Variants in DAAM2 observed in about 807,000 individuals in gnomAD.
DAAM2 encodes disheveled-associated activator of morphogenesis 2.
DAAM2 carries 39 observed loss-of-function variants against 120.7 expected under a neutral mutation model. The observed-to-expected ratio is 0.32, with a 90% CI of 0.25 to 0.42. DAAM2 has a LOEUF of 0.42. Among genes scored for constraint, DAAM2 ranks in the 10% least tolerant of loss-of-function variants. DAAM2 has a pLI of 1.00. For missense variants in DAAM2, 1,283 were observed against 1,401.7 expected, an observed-to-expected ratio of 0.92 and a Z score of 1.35; for synonymous variants, 488 against 524.9, an observed-to-expected ratio of 0.93 and a Z score of 0.96.
intron 14 of DAAM2, among the ~76,000 whole-genome samples, chr6:39,880,756 C>T (rs968629051): frequency 3.9e-5 from 6 of 152,196 alleles, no homozygotes; most frequent in Non-Finnish European, 7.3e-5. Context: ...TTTGTAGTTT[C>T]CCGGGCCTCT....
chr6:39,845,078 C>A (rs913118472), intron 1 of DAAM2, among the ~76,000 whole-genome samples: 1 of 136,614 alleles, frequency 7.3e-6, no homozygotes, highest in African/African-American at 2.7e-5. Flanking sequence ...ACCACACATA[C>A]ATATACAACA....
chr6:39,880,737 C>T (rs1007825382), intron 14 of DAAM2, among the ~76,000 whole-genome samples: 1 of 152,190 alleles, frequency 6.6e-6, no homozygotes, highest in Non-Finnish European at 1.5e-5. Flanking sequence ...GAAGCATAAA[C>T]ACAGTCCATT....
chr6:39,879,594 G>T, intron 14 of DAAM2, 117 bp downstream of exon 14: 3 of 1,365,194 alleles, frequency 2.2e-6, no homozygotes, highest in Non-Finnish European at 3.1e-6. Flanking sequence ...TTGGTGGGGG[G>T]TAAGGGCAGT....
intron 1 of DAAM2, 160 bp from the exon 2 acceptor site, chr6:39,856,087 T>C: frequency 1.2e-6 from 1 of 841,074 alleles, no homozygotes. Context: ...AACAGAGGGA[T>C]GCTGTGGGAG....
chr6:39,852,060 C>A (rs1281346597), intron 1 of DAAM2, among the ~76,000 whole-genome samples: 3 of 152,138 alleles, frequency 2.0e-5, no homozygotes, highest in Admixed American at 6.5e-5. Context: ...CTTGAGGAGA[C>A]CTTGTCCCCA....
At chr6:39,836,612 T>G (rs1763111040) in intron 1 of DAAM2, among the ~76,000 whole-genome samples, 1 of 152,200 alleles carries the variant, frequency 6.6e-6, no homozygotes, top group Non-Finnish European at 1.5e-5. Flanking sequence ...CTACAGAGCC[T>G]TCTCTCTAAA....
chr6:39,844,569 G>A (rs1393353204), intron 1 of DAAM2, among the ~76,000 whole-genome samples: 3 of 152,118 alleles, frequency 2.0e-5, no homozygotes, highest in Admixed American at 6.5e-5. Context: ...CTCAGTCTCC[G>A]GTCTATGGCG....
At position 39,904,549 on chromosome 6, in the gene DAAM2, C is replaced by T. The variant is rs752267060; in HGVS notation, c.*2512C>T. 151 of 453,876 alleles carry T rather than the reference C, an allele frequency of 3.3e-4. No individual in the cohort carries two copies. In the Middle Eastern group the frequency reaches 3.4e-3, roughly 10 times the overall value. The allele number at this position is 453,876 out of a possible 1,614,324, so 28.1% of individuals were successfully genotyped here. ...TCGTCATCAACCTAACAAACACAACCTTCTCAGCAGCATTTCTCCCCTGTG... is the reference window on the plus strand; with the variant it reads ...TCGTCATCAACCTAACAAACACAACTTTCTCAGCAGCATTTCTCCCCTGTG... On this transcript the variant is annotated 3_prime_UTR_variant, in exon 25 of 25. Transcript: ENST00000274867.
chr6:39,896,805 C>G lies in DAAM2; in HGVS notation c.2342-7C>G. The G allele has an allele frequency of 1.3e-6, 2 of 1,584,700 alleles. No individual in the cohort carries two copies. The highest frequency in any genetic ancestry group is 1.7e-6 in the Non-Finnish European group (2 of 1,164,390). On this transcript the variant is annotated splice_polypyrimidine_tract_variant and splice_region_variant and intron_variant, in intron 19 of 24. Coordinates refer to ENST00000274867, the MANE Select transcript of DAAM2 (RefSeq NM_001201427.2). ...TGCAGGCCTCTGACCTGTGCCTCCTCTCCCAGCCATCCTGTTGGCCTCCCG... is the reference window on the plus strand; with the variant it reads ...TGCAGGCCTCTGACCTGTGCCTCCTGTCCCAGCCATCCTGTTGGCCTCCCG...
At chr6:39,865,893 A>AT (rs1371878529) in intron 5 of DAAM2, among the ~76,000 whole-genome samples, 3 of 152,248 alleles carry the variant, frequency 2.0e-5, no homozygotes, top group African/African-American at 7.2e-5. Flanking sequence ...CATGCATTGT[A>AT]TGTGCATGGA....
intron 1 of DAAM2, chr6:39,819,087 C>G (rs891604138): frequency 6.6e-6 from 1 of 152,150 alleles, no homozygotes; most frequent in Admixed American, 6.6e-5. Context: ...GGCATGTGGC[C>G]TCTCATCAGT....
rs1177835604 is a variant in DAAM2 at position 39,879,231 on chromosome 6, C to T, written c.1599C>T (p.Ser533=). 6.5e-7 allele frequency: 1 copy of T among 1,550,186 alleles called. No individual in the cohort carries two copies. The highest frequency in any genetic ancestry group is 1.2e-5 in the South Asian group (1 of 83,748). ...PPPGGPLTLS[S]SMTTNDLPPP... is the part of the protein sequence containing the mutation. ...CTGGGGGCCCACTCACCTTGTCTTC[C>T]TCAATGACAACCAATGACCTGCCTC... Residue 533 remains serine, a synonymous_variant, in exon 14 of 25, where the codon TCC becomes TCT. Coordinates refer to ENST00000274867, the MANE Select transcript of DAAM2 (RefSeq NM_001201427.2).
chr6:39,796,233 G>A (rs1398184532), intron 1 of DAAM2, among the ~76,000 whole-genome samples: 1 of 152,188 alleles, frequency 6.6e-6, no homozygotes, highest in African/African-American at 2.4e-5. Context: ...CTCAAAGCTT[G>A]TAAGTTATCC....
chr6:39,823,821 C>A (rs547206028), intron 1 of DAAM2, among the ~76,000 whole-genome samples: 1 of 152,260 alleles, frequency 6.6e-6, no homozygotes, highest in South Asian at 2.1e-4. Flanking sequence ...GGATGTCCTG[C>A]CAGTCTTGGA....
intron 1 of DAAM2, among the ~76,000 whole-genome samples, chr6:39,818,538 C>G (rs191496534): frequency 6.6e-6 from 1 of 152,202 alleles, no homozygotes; most frequent in Non-Finnish European, 1.5e-5. Flanking sequence ...TCAATTCATT[C>G]GTAGCAGAGG....
At chr6:39,898,967 G>A (rs371665359) in intron 22 of DAAM2, 30 bp downstream of exon 22, 2 of 1,579,766 alleles carry the variant, frequency 1.3e-6, no homozygotes, top group African/African-American at 1.3e-5. Flanking sequence ...CTACCTGGGT[G>A]AGGGCTGCTG....
chr6:39,813,844 A>G (rs1762234630), intron 1 of DAAM2, among the ~76,000 whole-genome samples: 2 of 152,192 alleles, frequency 1.3e-5, no homozygotes, highest in East Asian at 1.9e-4. Context: ...AATACATATT[A>G]TATGTGCAGA....
intron 6 of DAAM2, chr6:39,868,077 T>G: frequency 1.9e-6 from 1 of 528,734 alleles, no homozygotes; most frequent in East Asian, 3.1e-5. Flanking sequence ...GGACTTGTCT[T>G]CCTTATTAGT....
intron 2 of DAAM2, among the ~76,000 whole-genome samples, chr6:39,857,066 G>A (rs6915271): frequency 0.065 from 9,885 of 152,266 alleles, 505 homozygotes; most frequent in African/African-American, 0.14. Flanking sequence ...TGCTGATTCC[G>A]CAATGCCCGC....
Sources: gnomAD v4.1 joint callset for allele counts (sites outside exome capture counted in the v4.1 genomes callset) on GRCh38, gnomAD v4.1.1 for gene constraint, MANE v1.5 for transcripts, NCBI Gene and HGNC (gene_info 2026-07-23, HGNC 2026-07-21) for gene names.